Variants in IL1R1 observed in about 807,000 individuals in gnomAD.
IL1R1 encodes the protein interleukin 1 receptor type 1, also known as interleukin-1 receptor type 1.
Under a neutral mutation model 50.2 loss-of-function variants are expected in IL1R1, and 22 were observed. The ratio of observed to expected loss-of-function variants is 0.44; its 90% CI spans 0.31 to 0.63. The LOEUF is 0.63. IL1R1 is among the 20% of genes least tolerant of loss of function. The probability of loss-of-function intolerance (pLI) is 0.07; values close to 1 mark genes in which losing one functional copy is unlikely to be tolerated. For missense variants in IL1R1, 509 were observed against 676.2 expected, an observed-to-expected ratio of 0.75 and a Z score of 2.74; for synonymous variants, 251 against 236.7, an observed-to-expected ratio of 1.06 and a Z score of -0.55.
At chr2:102,142,160 T>G (rs1488950022), upstream of IL1R1, 1 of 152,216 alleles carries the variant, frequency 6.6e-6, no homozygotes, top group Non-Finnish European at 1.5e-5. Context: ...GTGAGTAGTA[T>G]CAGCTCTGGG....
intron 10 of IL1R1, among the ~76,000 whole-genome samples, chr2:102,175,080 T>C (rs970757704): frequency 7.7e-6 from 1 of 130,370 alleles, no homozygotes; most frequent in African/African-American, 3.3e-5. Flanking sequence ...TAGATCTTCA[T>C]GCATCAGGGA....
At chr2:102,122,169 C>T (rs1681442412) in intron 1 of IL1R1, among the ~76,000 whole-genome samples, 1 of 152,152 alleles carries the variant, frequency 6.6e-6, no homozygotes, top group Non-Finnish European at 1.5e-5. Context: ...CTCACAGGGG[C>T]CTGGCCTTCC....
chr2:102,089,660 G>T (rs1007731048), intron 1 of IL1R1, among the ~76,000 whole-genome samples: 2 of 152,044 alleles, frequency 1.3e-5, no homozygotes, highest in African/African-American at 4.8e-5. Context: ...AATAAAATGA[G>T]GTCTGTTTGT....
chr2:102,178,823 C>T lies in IL1R1; in HGVS notation c.*2064C>T, dbSNP rs199880170. ...AATGAAAGCCAAATTTATATGCCAC[C>T]GATTGCAGGACACAAGCACAGTTTT... On this transcript the variant is annotated 3_prime_UTR_variant, in exon 12 of 12. Transcript: ENST00000410023. 3.9e-5 allele frequency: 6 copies of T among 152,244 alleles called. No homozygotes were observed. Among genetic ancestry groups the T allele is most frequent in the African/African-American group, 7.2e-5 (3 of 41,412 alleles). The allele number at this position is 152,244 out of a possible 1,614,324, so 9.4% of individuals were successfully genotyped here.
chr2:102,123,734 C>A (rs764625608), intron 1 of IL1R1, among the ~76,000 whole-genome samples: 1 of 151,868 alleles, frequency 6.6e-6, no homozygotes, highest in Non-Finnish European at 1.5e-5. Context: ...GCCGAGATCA[C>A]GCCATTGCAC....
chr2:102,170,215 T>G (rs1685554935), intron 7 of IL1R1, among the ~76,000 whole-genome samples: 1 of 152,226 alleles, frequency 6.6e-6, no homozygotes, highest in Non-Finnish European at 1.5e-5. Flanking sequence ...TCCAATACCA[T>G]TACTCCTAAA....
chr2:102,129,265 A>G (rs920105874), intron 1 of IL1R1, among the ~76,000 whole-genome samples: 7 of 150,788 alleles, frequency 4.6e-5, no homozygotes, highest in African/African-American at 1.7e-4. Context: ...CTACAACAAC[A>G]ACAACAACAA....
chr2:102,156,813 A>G (rs1378025431), intron 2 of IL1R1, among the ~76,000 whole-genome samples: 1 of 152,208 alleles, frequency 6.6e-6, no homozygotes, highest in African/African-American at 2.4e-5. Context: ...ACACCTGACC[A>G]TAATACATCT....
chr2:102,176,263 C>A, intron 11 of IL1R1, 90 bp from the exon 12 acceptor site: 1 of 1,081,898 alleles, frequency 9.2e-7, no homozygotes. Context: ...AGGAGCCATA[C>A]GGTTGTGAAA....
intron 1 of IL1R1, among the ~76,000 whole-genome samples, chr2:102,075,300 C>T (rs2104273141): frequency 6.6e-6 from 1 of 152,276 alleles, no homozygotes; most frequent in South Asian, 2.1e-4. Context: ...TGTTTCCATT[C>T]AACACATATG....
rs757554626 is a variant in IL1R1, at chr2:102,166,103, C to T, written c.487-10C>T. ...ATTGGTTTTCAATGCTTCTCTCTCC[C>T]TTTATCTAGGATTGCAAACCTCTAC... On this transcript the variant is annotated splice_polypyrimidine_tract_variant and intron_variant, in intron 5 of 11. Coordinates refer to ENST00000410023, the MANE Select transcript of IL1R1 (RefSeq NM_000877.4). 4 of 1,608,000 alleles carry T rather than the reference C, an allele frequency of 2.5e-6. No individual in the cohort carries two copies. In the African/African-American group the frequency reaches 5.3e-5, roughly 21 times the overall value.
chr2:102,164,603 G>C (rs1685012139), intron 3 of IL1R1, among the ~76,000 whole-genome samples, 171 bp from the exon 4 acceptor site: 1 of 152,126 alleles, frequency 6.6e-6, no homozygotes, highest in South Asian at 2.1e-4. Flanking sequence ...AGCTGGACTT[G>C]AATATGCTTC....
chr2:102,171,948 G>T, intron 8 of IL1R1, 30 bp downstream of exon 8: 1 of 1,144,782 alleles, frequency 8.7e-7, no homozygotes, highest in Non-Finnish European at 1.2e-6. Context: ...TTCACATTTT[G>T]GTGTTAAATC....
At chr2:102,127,301 A>G (rs761467062) in intron 1 of IL1R1, among the ~76,000 whole-genome samples, 1 of 152,230 alleles carries the variant, frequency 6.6e-6, no homozygotes, top group Non-Finnish European at 1.5e-5. Context: ...AGAGACAACT[A>G]TAACTGGTTG....
At chr2:102,090,797 T>C (rs950954172) in intron 1 of IL1R1, among the ~76,000 whole-genome samples, 32 of 152,348 alleles carry the variant, frequency 2.1e-4, no homozygotes, top group African/African-American at 7.7e-4. Flanking sequence ...ACATGTGAGC[T>C]GCTTCCATAT....
At chr2:102,147,220 G>A (rs1055574537) in intron 1 of IL1R1, among the ~76,000 whole-genome samples, 17 of 152,132 alleles carry the variant, frequency 1.1e-4, no homozygotes, top group African/African-American at 3.1e-4. Context: ...AACTGTCCAC[G>A]TAAGTTTTGT....
At chr2:102,133,397 G>A (rs1240648165) in intron 1 of IL1R1, among the ~76,000 whole-genome samples, 1 of 152,112 alleles carries the variant, frequency 6.6e-6, no homozygotes, top group Non-Finnish European at 1.5e-5. Context: ...CTCAACTCAT[G>A]AGTTCTCCCC....
rs190923567 is a variant in IL1R1, at chr2:102,119,188, G to A, written c.-84+14316G>A. ...GTAAACACTGTAACTTCATGCTGAC[G>A]TTAGGTGGTAACTTCTCTTCGATAA... On this transcript the variant is annotated intron_variant, in intron 1 of 10. Transcript: ENST00000409329. Among the ~76,000 whole-genome samples, 178 of 152,278 alleles carry A rather than the reference G, an allele frequency of 1.2e-3. 2 individuals carry two copies. The highest frequency in any genetic ancestry group is 0.011 in the Admixed American group (161 of 15,294).
chr2:102,169,706 G>T (rs1286512630), intron 7 of IL1R1, among the ~76,000 whole-genome samples: 1 of 152,208 alleles, frequency 6.6e-6, no homozygotes, highest in Non-Finnish European at 1.5e-5. Context: ...GTTATTTATG[G>T]TGGAAGGTGG....
Sources: allele counts gnomAD v4.1 joint callset (sites outside exome capture counted in the v4.1 genomes callset), GRCh38; gene constraint gnomAD v4.1.1; transcripts MANE v1.5; gene names NCBI Gene and HGNC (gene_info 2026-07-23, HGNC 2026-07-21).